COL27A1: variants seen among roughly 807,000 people sequenced by gnomAD.
COL27A1 encodes collagen type XXVII alpha 1 chain, also known as collagen alpha-1(XXVII) chain.
COL27A1 carries 106 observed loss-of-function variants against 251.3 expected under a neutral mutation model. The ratio of observed to expected loss-of-function variants is 0.42; its 90% CI spans 0.36 to 0.50. The LOEUF (loss-of-function observed/expected upper bound fraction) is 0.50. Among genes scored for constraint, COL27A1 ranks in the 20% least tolerant of loss-of-function variants. The probability of loss-of-function intolerance (pLI) is 0.00; values close to 1 mark genes in which losing one functional copy is unlikely to be tolerated. For synonymous variants in COL27A1, 1,000 were observed against 986.3 expected (o/e 1.01, Z -0.26); for missense variants, 2,325 against 2,522.8 (o/e 0.92, Z 1.68).
At chr9:114,191,437 C>T (rs1219872812) in intron 5 of COL27A1, among the ~76,000 whole-genome samples, 1 of 152,124 alleles carries the variant, frequency 6.6e-6, no homozygotes, top group East Asian at 1.9e-4. Context: ...CTGCCACCGA[C>T]AGGCCCCAGT....
chr9:114,206,404 TC>T, intron 10 of COL27A1, 108 bp downstream of exon 10: 1 of 1,156,904 alleles, frequency 8.6e-7, no homozygotes, highest in Non-Finnish European at 1.3e-6. Context: ...GCCAAGGCCC[TC>T]CCACTTGAGT....
At chr9:114,170,546 G>A (rs1849238689) in intron 3 of COL27A1, among the ~76,000 whole-genome samples, 1 of 152,220 alleles carries the variant, frequency 6.6e-6, no homozygotes, top group African/African-American at 2.4e-5. Flanking sequence ...GGCAGATGCT[G>A]GGAATTCCCA....
intron 4 of COL27A1, among the ~76,000 whole-genome samples, chr9:114,179,482 G>A (rs4979348): frequency 0.021 from 3,147 of 152,306 alleles, 182 homozygotes; most frequent in Admixed American, 0.13. Context: ...TGCTCTGGCT[G>A]TCCTCCTTTG....
At chr9:114,274,436 C>T (rs1835353095) in intron 36 of COL27A1, among the ~76,000 whole-genome samples, 1 of 152,194 alleles carries the variant, frequency 6.6e-6, no homozygotes, top group Non-Finnish European at 1.5e-5. Flanking sequence ...AGCTCTGCCT[C>T]AGTTTCCTCT....
rs148991161 is a variant in COL27A1, at chr9:114,296,140, A to T, written c.4584+3930A>T. Among the ~76,000 whole-genome samples the T allele has an allele frequency of 4.8e-3, 725 of 152,360 alleles. 6 individuals carry two copies. Among genetic ancestry groups the T allele is most frequent in the African/African-American group, 0.017 (692 of 41,586 alleles). On this transcript the variant is annotated intron_variant, in intron 49 of 60. Transcript: ENST00000356083. ...TAGAAGGACATCTTCAAGAACTTGGATAAGACAAAGATTTCTTAGATATGG... is the reference window on the plus strand; with the variant it reads ...TAGAAGGACATCTTCAAGAACTTGGTTAAGACAAAGATTTCTTAGATATGG...
Position 114,300,693 on chromosome 9 carries a change from T to C in COL27A1, c.4701+6T>C. The C allele has an allele frequency of 2.0e-6, 3 of 1,499,874 alleles. No individual in the cohort carries two copies. Among genetic ancestry groups the C allele is most frequent in the Non-Finnish European group, 2.7e-6 (3 of 1,126,290 alleles). The allele number at this position is 1,499,874 out of a possible 1,614,324, so 92.9% of individuals were successfully genotyped here. ...GGGGGCCACCTGGCTTGATGGTGAG[T>C]TCCCTCCCTGCTGTCGGAGCAGAGA... On this transcript the variant is annotated splice_donor_region_variant and intron_variant, in intron 51 of 60. Transcript: ENST00000356083.
intron 48 of COL27A1, 27 bp from the exon 49 acceptor site, chr9:114,292,075 CT>C: frequency 6.5e-7 from 1 of 1,543,962 alleles, no homozygotes; most frequent in Non-Finnish European, 8.8e-7. Flanking sequence ...CCCACTTTGA[CT>C]GGTAATTTTT....
At position 114,301,313 on chromosome 9, in the gene COL27A1, G is replaced by T; in HGVS notation, c.4785G>T (p.Gly1595=). Residue 1595 remains glycine (G), a synonymous_variant, in exon 53 of 61, where the codon GGG becomes GGT. Transcript: ENST00000356083. ...CGAAGGGTGACAAAGGCAGCCGTGGGGACTGGGTAAGTGGATGGGCTGGGG... is the reference window on the plus strand; with the variant it reads ...CGAAGGGTGACAAAGGCAGCCGTGGTGACTGGGTAAGTGGATGGGCTGGGG... ...PGPKGDKGSR[G]DWGLQGPRGP... 1 of 1,613,640 alleles carries T rather than the reference G, an allele frequency of 6.2e-7. No homozygotes were observed. Among genetic ancestry groups the T allele is most frequent in the Non-Finnish European group, 8.5e-7 (1 of 1,179,822 alleles).
chr9:114,220,084 T>G (rs1830975451), intron 13 of COL27A1, among the ~76,000 whole-genome samples: 1 of 152,044 alleles, frequency 6.6e-6, no homozygotes, highest in Non-Finnish European at 1.5e-5. Context: ...GGTCCAAAGC[T>G]CCAGGCTGCA....
At chr9:114,180,838 G>T (rs1039904797) in intron 4 of COL27A1, among the ~76,000 whole-genome samples, 4 of 152,196 alleles carry the variant, frequency 2.6e-5, no homozygotes, top group African/African-American at 9.7e-5. Flanking sequence ...TTGGGGACGG[G>T]GGGGCAGGGA....
At chr9:114,263,012 C>T (rs566854937) in intron 28 of COL27A1, among the ~76,000 whole-genome samples, 53 of 150,210 alleles carry the variant, frequency 3.5e-4, no homozygotes, top group African/African-American at 1.2e-3. Flanking sequence ...GATCTCCGCT[C>T]ACTGCAAGCT....
At chr9:114,300,882 C>T (rs1459936481) in intron 51 of COL27A1, among the ~76,000 whole-genome samples, 190 bp from the exon 52 acceptor site, 1 of 152,200 alleles carries the variant, frequency 6.6e-6, no homozygotes, top group Admixed American at 6.5e-5. Flanking sequence ...TCACTCTTGC[C>T]CCCATCGCCC....
chr9:114,273,089 C>G (rs1835254417), intron 36 of COL27A1: 1 of 152,224 alleles, frequency 6.6e-6, no homozygotes. Context: ...ACGCCCACCC[C>G]AGGGGTCCAG....
At chr9:114,247,951 T>C (rs1833258503) in intron 24 of COL27A1, among the ~76,000 whole-genome samples, 1 of 152,188 alleles carries the variant, frequency 6.6e-6, no homozygotes, top group African/African-American at 2.4e-5. Flanking sequence ...CAGTGACATT[T>C]ATTAGTCACC....
chr9:114,291,060 G>A (rs558140155), intron 48 of COL27A1, 143 bp downstream of exon 48: 1 of 583,674 alleles, frequency 1.7e-6, no homozygotes, highest in East Asian at 3.1e-5. Context: ...TCCGTCAGCA[G>A]TGCTTGGGGG....
At position 114,162,731 on chromosome 9, in the gene COL27A1, T is replaced by C. The variant is rs1271300935; in HGVS notation, c.79T>C (p.Trp27Arg). 6.2e-7 allele frequency: 1 copy of C among 1,612,550 alleles called. No individual in the cohort carries two copies. The highest frequency in any genetic ancestry group is 2.2e-5 in the East Asian group (1 of 44,750). Residue 27 changes from tryptophan (W) to arginine (R), a missense_variant, in exon 2 of 61, where the codon TGG (tryptophan) becomes CGG (arginine). Around this residue, in one of 4 missense-constraint regions of COL27A1, gnomAD observed 1,183 missense variants for 1,144.1 expected, o/e 1.03. Transcript: ENST00000356083. The stretch of plus-strand genomic sequence containing the variant: ...GGTCTCTAGGGGGTTTCTCTTCTCC[T>C]GGATCTTAGTCTCGTTTGCCTGTCA... ...AARGGGFLFSWILVSFACHLA... is the reference protein window; with the variant it reads ...AARGGGFLFSRILVSFACHLA...
chr9:114,285,438 A>G (rs1827401008), intron 41 of COL27A1, among the ~76,000 whole-genome samples: 1 of 152,056 alleles, frequency 6.6e-6, no homozygotes, highest in African/African-American at 2.4e-5. Context: ...TGGCCCCAGA[A>G]CCCACGTGTC....
chr9:114,227,328 T>C (rs1350238672), intron 14 of COL27A1, among the ~76,000 whole-genome samples: 16 of 146,148 alleles, frequency 1.1e-4, no homozygotes, highest in African/African-American at 3.7e-4. Flanking sequence ...TTTTTTTTTT[T>C]GGTCAACAGC....
chr9:114,182,579 G>A (rs1406388250), intron 4 of COL27A1, among the ~76,000 whole-genome samples: 1 of 152,114 alleles, frequency 6.6e-6, no homozygotes, highest in African/African-American at 2.4e-5. Flanking sequence ...GCATAGCTAA[G>A]TGTGGTTTGA....
Sources: gnomAD v4.1 joint callset for allele counts (sites outside exome capture counted in the v4.1 genomes callset) on GRCh38, gnomAD v4.1.1 for gene constraint, gnomAD v4.1.1 regional missense constraint, MANE v1.5 for transcripts, NCBI Gene and HGNC (gene_info 2026-07-23, HGNC 2026-07-21) for gene names.